RYR2: variants seen among roughly 807,000 people sequenced by gnomAD.
The protein encoded by RYR2 is cardiac muscle ryanodine receptor-calcium release channel.
In RYR2, 227 loss-of-function variants were observed where a neutral mutation model predicts 601.1. That is an observed-to-expected ratio of 0.38 (90% CI 0.34 to 0.42). The LOEUF is 0.42. Among genes scored for constraint, RYR2 ranks in the 10% least tolerant of loss-of-function variants. The pLI is 1.00. For synonymous variants in RYR2, 2,223 were observed against 2,175.1 expected (o/e 1.02, Z -0.61); for missense variants, 4,646 against 6,156.5 (o/e 0.75, Z 8.21).
chr1:237,329,096 T>C (rs943720378), intron 2 of RYR2, among the ~76,000 whole-genome samples: 57 of 152,336 alleles, frequency 3.7e-4, no homozygotes, highest in African/African-American at 1.3e-3. Flanking sequence ...TATGATTTAT[T>C]GGAAAACATT....
intron 22 of RYR2, among the ~76,000 whole-genome samples, chr1:237,504,545 A>G (rs377468219): frequency 0.01 from 1,529 of 152,334 alleles, 27 homozygotes; most frequent in African/African-American, 0.033. Flanking sequence ...GGATGTATAC[A>G]TGCAAGTCAC....
chr1:237,261,546 C>T (rs771781095), intron 1 of RYR2, among the ~76,000 whole-genome samples: 9 of 152,278 alleles, frequency 5.9e-5, no homozygotes, highest in East Asian at 1.9e-4. Flanking sequence ...CTCACTCCAC[C>T]GGGACGGTTA....
intron 80 of RYR2, chr1:237,743,667 G>T (rs752417407): frequency 2.0e-6 from 1 of 512,690 alleles, no homozygotes. Context: ...TCTGAGTTTC[G>T]GTTTCTTGTG....
At position 237,629,691 on chromosome 1, in the gene RYR2, T is replaced by C. The variant is rs145641062; in HGVS notation, c.6440+1611T>C. Among the ~76,000 whole-genome samples the C allele has an allele frequency of 4.6e-4, 70 of 152,210 alleles. 1 individual carries two copies. The highest frequency in any genetic ancestry group is 1.5e-3 in the African/African-American group (62 of 41,564). On this transcript the variant is annotated intron_variant, in intron 41 of 104. Transcript: ENST00000366574. ...TTTGAAAAAAACGAATAAAATGGAATACCAAGTTTTTCTTTGACAGAACTC... is the reference window on the plus strand; with the variant it reads ...TTTGAAAAAAACGAATAAAATGGAACACCAAGTTTTTCTTTGACAGAACTC...
In RYR2 at chr1:237,784,733, G is replaced by C; in HGVS notation, c.13021G>C (p.Glu4341Gln). Residue 4341 changes from glutamate (E) to glutamine (Q), a missense_variant, in exon 90 of 105, where the codon GAG becomes CAG. Transcript: ENST00000366574. This position sits in a 1 kb window ranked among gnomAD's most constrained non-coding sequence, Gnocchi z 7.1. ...CAACATGCCAGACCCCACTCAGGAT[G>C]AGGTTAGAGGAGATGGGGAGGAGGG... ...LANMPDPTQD[E>Q]VRGDGEEGER... 6.3e-7 allele frequency: 1 copy of C among 1,599,418 alleles called. No individual in the cohort carries two copies. The highest frequency in any genetic ancestry group is 8.5e-7 in the Non-Finnish European group (1 of 1,171,614).
At chr1:237,633,097 TCTA>T (rs1173400411) in intron 42 of RYR2, among the ~76,000 whole-genome samples, 1 of 152,140 alleles carries the variant, frequency 6.6e-6, no homozygotes, top group African/African-American at 2.4e-5. Flanking sequence ...AATCAGTAAT[TCTA>T]CTAATATTAA....
Position 237,693,218 on chromosome 1 carries a change from T to C in RYR2, c.9067+5714T>C, listed in dbSNP as rs1048283474. Among the ~76,000 whole-genome samples the C allele has an allele frequency of 3.9e-5, 6 of 152,164 alleles. No homozygotes were observed. The East Asian group carries it at 1.2e-3, about 29-fold the overall frequency. On this transcript the variant is annotated intron_variant, in intron 63 of 104. Transcript: ENST00000366574. ...ATTGGTGAGAATCATGTTTTTTTTT[T>C]TTTTCTCTTATTCCTTAAGAGGTCC...
chr1:237,397,448 C>T (rs1198376311), intron 10 of RYR2, among the ~76,000 whole-genome samples: 1 of 152,032 alleles, frequency 6.6e-6, no homozygotes, highest in African/African-American at 2.4e-5. Context: ...AAGTTACAGG[C>T]CAAGTCATAA....
At chr1:237,436,650 T>G (rs939702199) in intron 12 of RYR2, among the ~76,000 whole-genome samples, 1 of 151,410 alleles carries the variant, frequency 6.6e-6, no homozygotes, top group Non-Finnish European at 1.5e-5. Context: ...TTTTAATTTT[T>G]TTCTAACTTT....
At chr1:237,459,759 T>G (rs149717645) in intron 16 of RYR2, among the ~76,000 whole-genome samples, 21 of 152,324 alleles carry the variant, frequency 1.4e-4, no homozygotes, top group African/African-American at 5.1e-4. Context: ...CCTACAAAAG[T>G]AACATTAATA....
chr1:237,714,251 A>C (rs1182069921), intron 71 of RYR2, among the ~76,000 whole-genome samples: 2 of 152,252 alleles, frequency 1.3e-5, no homozygotes. Flanking sequence ...ATAGGCATGC[A>C]ACAAATTTTA....
intron 65 of RYR2, among the ~76,000 whole-genome samples, chr1:237,701,035 C>T (rs1034531663): frequency 7.9e-5 from 12 of 152,148 alleles, no homozygotes; most frequent in African/African-American, 2.4e-5. Flanking sequence ...CCCAAGATTA[C>T]GTGGAAAAAA....
intron 35 of RYR2, among the ~76,000 whole-genome samples, chr1:237,608,827 T>G: frequency 7.7e-6 from 1 of 129,788 alleles, no homozygotes; most frequent in Non-Finnish European, 1.6e-5. Context: ...TTTTACAAAA[T>G]TGGACAAGGA....
At chr1:237,508,070 TCTCCTGCTTCAGC>T (rs1022535747) in intron 23 of RYR2, among the ~76,000 whole-genome samples, 3 of 152,142 alleles carry the variant, frequency 2.0e-5, no homozygotes, top group Non-Finnish European at 4.4e-5. Flanking sequence ...TTTAAGCGAT[TCTCCTGCTTCAGC>T]CTCCCAAGTA....
At chr1:237,311,648 T>G (rs1056529535) in intron 2 of RYR2, among the ~76,000 whole-genome samples, 8 of 150,272 alleles carry the variant, frequency 5.3e-5, no homozygotes, top group Non-Finnish European at 8.9e-5. Context: ...ACCAGCTAAT[T>G]TTTTTTTTTA....
intron 35 of RYR2, among the ~76,000 whole-genome samples, chr1:237,605,087 C>T (rs1320536857): frequency 2.0e-5 from 3 of 152,156 alleles, no homozygotes; most frequent in Admixed American, 1.3e-4. Context: ...CCAGCATCAT[C>T]CTGATACCAA....
intron 25 of RYR2, among the ~76,000 whole-genome samples, chr1:237,531,879 C>G (rs1668171030): frequency 6.6e-6 from 1 of 152,122 alleles, no homozygotes. Flanking sequence ...CTGCCATCAT[C>G]TGTGTAAAAA....
rs115915184 is a variant in RYR2 at position 237,532,842 on chromosome 1, A to T, written c.2906+2332A>T. ...TAATTGATAAAGGCAGTTTTCACTG[A>T]CAAAACAATCAGCTAAAACAGAATT... On this transcript the variant is annotated intron_variant, in intron 25 of 104. Transcript: ENST00000366574. Among the ~76,000 whole-genome samples, 1,365 of 152,302 alleles carry T rather than the reference A, an allele frequency of 9.0e-3. 23 individuals carry two copies. The highest frequency in any genetic ancestry group is 0.031 in the African/African-American group (1,287 of 41,560).
rs557851103 is a variant in RYR2, at chr1:237,483,861, T to C, written c.1709-7945T>C. 3.9e-5 allele frequency among the ~76,000 whole-genome samples: 6 copies of C among 152,324 alleles called. No individual in the cohort carries two copies. The South Asian group carries it at 1.2e-3, about 32-fold the overall frequency. On this transcript the variant is annotated intron_variant, in intron 17 of 104. Transcript: ENST00000366574. ...AAAAAGGTTCTGACCAAAAAAGCTC[T>C]AACAGGTTTCGACTCCCAGGTAGGA...
Sources: gnomAD v4.1 joint callset for allele counts (sites outside exome capture counted in the v4.1 genomes callset) on GRCh38, gnomAD v4.1.1 for gene constraint, Gnocchi (gnomAD v3.1) non-coding constraint, MANE v1.5 for transcripts, NCBI Gene and HGNC (gene_info 2026-07-23, HGNC 2026-07-21) for gene names.